GPC6: variants seen among roughly 807,000 people sequenced by gnomAD.
GPC6 encodes glypican-6.
A neutral mutation model predicts 55.2 loss-of-function variants in GPC6; 14 were observed. That is an observed-to-expected ratio of 0.25 (90% confidence interval 0.17 to 0.40). The LOEUF is 0.40. GPC6 is among the 10% of genes least tolerant of loss of function. The pLI, the probability that GPC6 is intolerant of heterozygous loss-of-function variation, is 1.00. For synonymous variants in GPC6, 278 were observed against 259.6 expected (o/e 1.07, Z -0.68); for missense variants, 641 against 708.5 (o/e 0.90, Z 1.08).
At chr13:93,681,197 A>G (rs1881833348) in intron 2 of GPC6, among the ~76,000 whole-genome samples, 1 of 152,160 alleles carries the variant, frequency 6.6e-6, no homozygotes, top group Non-Finnish European at 1.5e-5. Flanking sequence ...AGCTTTGTTT[A>G]TTACCCTTTT....
intron 2 of GPC6, among the ~76,000 whole-genome samples, chr13:93,739,650 C>T (rs1184234301): frequency 6.6e-6 from 1 of 152,024 alleles, no homozygotes; most frequent in Non-Finnish European, 1.5e-5. Flanking sequence ...AGGATGGTCT[C>T]GATCTCCTGA....
chr13:93,520,467 C>T (rs1157923023), intron 1 of GPC6, among the ~76,000 whole-genome samples: 1 of 151,712 alleles, frequency 6.6e-6, no homozygotes, highest in Non-Finnish European at 1.5e-5. Context: ...AAATGAGCAA[C>T]ATTTTAATAA....
chr13:93,771,313 G>A (rs888159732), intron 2 of GPC6, among the ~76,000 whole-genome samples: 4 of 152,110 alleles, frequency 2.6e-5, no homozygotes, highest in Admixed American at 6.6e-5. Flanking sequence ...GGCTTCCCAC[G>A]GCAGGAAGAA....
At chr13:93,307,831 G>A (rs1225642318) in intron 1 of GPC6, among the ~76,000 whole-genome samples, 1 of 152,090 alleles carries the variant, frequency 6.6e-6, no homozygotes, top group African/African-American at 2.4e-5. Context: ...GAGAGTGAAT[G>A]TAAAGTGTTC....
intron 6 of GPC6, among the ~76,000 whole-genome samples, chr13:94,315,810 A>T (rs1241256120): frequency 6.6e-6 from 1 of 152,230 alleles, no homozygotes; most frequent in Non-Finnish European, 1.5e-5. Context: ...TGCGTAGGTG[A>T]CTAGACCATA....
intron 4 of GPC6, among the ~76,000 whole-genome samples, chr13:94,271,995 T>G (rs1179706573): frequency 6.6e-6 from 1 of 152,206 alleles, no homozygotes; most frequent in African/African-American, 2.4e-5. Flanking sequence ...TGCTGACCCA[T>G]GATTACAGGG....
chr13:93,941,550 G>T (rs1370072191), intron 3 of GPC6, among the ~76,000 whole-genome samples: 1 of 152,144 alleles, frequency 6.6e-6, no homozygotes, highest in Non-Finnish European at 1.5e-5. Flanking sequence ...CTAGTCAGTA[G>T]ATTTTATTTA....
intron 1 of GPC6, among the ~76,000 whole-genome samples, chr13:93,338,814 A>AT (rs1880133069): frequency 6.6e-6 from 1 of 152,168 alleles, no homozygotes; most frequent in South Asian, 2.1e-4. Flanking sequence ...CTATATCAAT[A>AT]TATTTTTTTA....
intron 3 of GPC6, among the ~76,000 whole-genome samples, chr13:93,869,613 GCCTCACATC>G (rs1473120029): frequency 4.6e-5 from 7 of 151,824 alleles, no homozygotes; most frequent in Admixed American, 4.6e-4. Flanking sequence ...TCCATGCCTG[GCCTCACATC>G]CCTATGATTT....
intron 1 of GPC6, among the ~76,000 whole-genome samples, chr13:93,353,442 T>G (rs1425502731): frequency 6.6e-6 from 1 of 152,168 alleles, no homozygotes; most frequent in Non-Finnish European, 1.5e-5. Flanking sequence ...GGTCCTGGTG[T>G]CCCTCGATGA....
chr13:94,263,030 G>A (rs922413964), intron 4 of GPC6, among the ~76,000 whole-genome samples: 2 of 152,154 alleles, frequency 1.3e-5, no homozygotes, highest in Admixed American at 6.5e-5. Flanking sequence ...CTTTCACTTA[G>A]TGCCAATCAC....
intron 6 of GPC6, among the ~76,000 whole-genome samples, chr13:94,324,616 G>A (rs1190268888): frequency 6.6e-6 from 1 of 151,804 alleles, no homozygotes; most frequent in African/African-American, 2.4e-5. Flanking sequence ...AGAAACAGAG[G>A]CACAAAGTTA....
intron 1 of GPC6, among the ~76,000 whole-genome samples, chr13:93,485,068 G>T (rs1879650312): frequency 6.6e-6 from 1 of 152,198 alleles, no homozygotes; most frequent in Admixed American, 6.5e-5. Flanking sequence ...CACAAAGAAG[G>T]GGCAGTTAGC....
intron 6 of GPC6, among the ~76,000 whole-genome samples, chr13:94,363,261 TA>T (rs1179335150): frequency 6.6e-6 from 1 of 152,146 alleles, no homozygotes; most frequent in Non-Finnish European, 1.5e-5. Context: ...TAAAAATAAA[TA>T]AATGCAAACC....
chr13:93,443,247 A>G (rs946643220), intron 1 of GPC6, among the ~76,000 whole-genome samples: 1 of 152,228 alleles, frequency 6.6e-6, no homozygotes, highest in Admixed American at 6.5e-5. Context: ...CTTTAATGAT[A>G]TAAGTCATAT....
At chr13:93,545,122 C>T in intron 1 of GPC6, 141 bp from the exon 2 acceptor site, 2 of 730,968 alleles carry the variant, frequency 2.7e-6, no homozygotes, top group Admixed American at 1.9e-5. Context: ...TGCTGTGGCC[C>T]AGATAGAGTT....
chr13:93,372,612 G>T (rs964757520), intron 1 of GPC6, among the ~76,000 whole-genome samples: 1 of 152,120 alleles, frequency 6.6e-6, no homozygotes, highest in Admixed American at 6.5e-5. Flanking sequence ...ACCAAAACAA[G>T]CACAGATGAA....
At chr13:93,884,997 G>A in intron 3 of GPC6, among the ~76,000 whole-genome samples, 1 of 152,002 alleles carries the variant, frequency 6.6e-6, no homozygotes, top group Non-Finnish European at 1.5e-5. Context: ...TTTAGAGGTG[G>A]GAAAGGGAAG....
At chr13:93,558,093 C>T (rs573645832) in intron 2 of GPC6, among the ~76,000 whole-genome samples, 6 of 152,194 alleles carry the variant, frequency 3.9e-5, no homozygotes, top group South Asian at 4.1e-4. Flanking sequence ...ATAGGAGGTG[C>T]GTTGTATTGA....
Sources: gnomAD v4.1 joint callset for allele counts (sites outside exome capture counted in the v4.1 genomes callset) on GRCh38, gnomAD v4.1.1 for gene constraint, MANE v1.5 for transcripts, NCBI Gene and HGNC (gene_info 2026-07-23, HGNC 2026-07-21) for gene names.